The following SRD5A2 variants were observed in gnomAD, a reference collection of about 807,000 sequenced individuals.
The protein encoded by SRD5A2 is steroid 5 alpha-reductase 2, also known as 3-oxo-5-alpha-steroid 4-dehydrogenase 2.
Under a neutral mutation model 27.4 loss-of-function variants are expected in SRD5A2, and 30 were observed. The ratio of observed to expected loss-of-function variants is 1.10; its 90% CI spans 0.82 to 1.49. The LOEUF (loss-of-function observed/expected upper bound fraction) is 1.49, where lower values mean the gene tolerates loss of function less well. Ranked by LOEUF, SRD5A2 falls within the 40% of genes most tolerant of loss-of-function variation. The probability of loss-of-function intolerance (pLI) is 0.00; values close to 1 mark genes in which losing one functional copy is unlikely to be tolerated. For synonymous variants in SRD5A2, 141 were observed against 133.6 expected, an observed-to-expected ratio of 1.06 and a Z score of -0.38; for missense variants, 348 against 323.4, an observed-to-expected ratio of 1.08 and a Z score of -0.58.
chr2:31,634,980 G>A, the SRD5A2 span, among the ~76,000 whole-genome samples: 2 of 152,120 alleles, frequency 1.3e-5, no homozygotes, highest in Admixed American at 1.3e-4. Context: ...TGTGAATAGT[G>A]CTTCAATAAA....
chr2:31,553,545 A>C (rs1392681433), intron 1 of SRD5A2, among the ~76,000 whole-genome samples: 1 of 152,196 alleles, frequency 6.6e-6, no homozygotes. Flanking sequence ...GTGACACGTC[A>C]CATACAAGGA....
chr2:31,632,193 A>G, the SRD5A2 span, among the ~76,000 whole-genome samples: 6 of 152,266 alleles, frequency 3.9e-5, no homozygotes, highest in Middle Eastern at 6.8e-3. Context: ...GGTTTTTTAT[A>G]ATAGAGATCA....
chr2:31,627,626 A>G, the SRD5A2 span, among the ~76,000 whole-genome samples: 6 of 152,018 alleles, frequency 3.9e-5, no homozygotes, highest in Non-Finnish European at 7.4e-5. Context: ...CTTCCCTCTT[A>G]ACATGCTTTG....
the SRD5A2 span, among the ~76,000 whole-genome samples, chr2:31,644,444 AT>A: frequency 6.6e-6 from 1 of 152,210 alleles, no homozygotes; most frequent in African/African-American, 2.4e-5. Flanking sequence ...ATGGAAGACA[AT>A]TTTTTGGGAG....
Position 31,559,836 on chromosome 2 carries a change from C to CAACACACACACACACA in SRD5A2, c.281+20783_281+20784insTGTGTGTGTGTGTGTT, listed in dbSNP as rs70964719. ...TGCCCATAAGTAAAAGTAAACAAAC[C>CAACACACACACACACA]CACACACACACACACACACACACAC... On this transcript the variant is annotated intron_variant, in intron 1 of 4. Transcript: ENST00000622030. Among the ~76,000 whole-genome samples, 173 of 63,760 alleles carry CAACACACACACACACA rather than the reference C, an allele frequency of 2.7e-3. 3 individuals carry two copies. Among genetic ancestry groups the CAACACACACACACACA allele is most frequent in the African/African-American group, 7.5e-3 (167 of 22,148 alleles). 41.8% of individuals were successfully genotyped at this position (63,760 alleles called of 152,430 possible).
chr2:31,662,544 T>G, the SRD5A2 span, among the ~76,000 whole-genome samples: 1 of 152,144 alleles, frequency 6.6e-6, no homozygotes, highest in East Asian at 1.9e-4. Flanking sequence ...GATCTCAAGC[T>G]CCTGGGCTCA....
chr2:31,555,655 T>C (rs1055120370), intron 1 of SRD5A2, among the ~76,000 whole-genome samples: 1 of 152,176 alleles, frequency 6.6e-6, no homozygotes, highest in African/African-American at 2.4e-5. Context: ...GATCTGGACC[T>C]GAAGCTGGAA....
In SRD5A2 at chr2:31,523,299, T is replaced by C. The variant is rs1472753088; in HGVS notation, c.*2897A>G. 9.4e-6 allele frequency: 2 copies of C among 213,858 alleles called. No individual in the cohort carries two copies. Among genetic ancestry groups the C allele is most frequent in the Admixed American group, 5.9e-5 (1 of 17,078 alleles). 13.2% of individuals were successfully genotyped at this position (213,858 alleles called of 1,614,324 possible). A position where few individuals can be genotyped will look rare whatever the true frequency, so the allele number is the denominator to read the frequency against. ...AAACAGGCATGGGACAATAGGTGTA[T>C]AAACTGAACTATGCAACAGCACTTA... On this transcript the variant is annotated 3_prime_UTR_variant, in exon 5 of 5. Transcript: ENST00000622030.
chr2:31,577,147 T>TA (rs71405578), intron 1 of SRD5A2, among the ~76,000 whole-genome samples: 3,874 of 38,004 alleles, frequency 0.1, 111 homozygotes, highest in Middle Eastern at 0.17. Flanking sequence ...TAGAGTATAA[T>TA]AAAAAAAAAA....
At chr2:31,612,134 A>T in the SRD5A2 span, among the ~76,000 whole-genome samples, 1 of 152,036 alleles carries the variant, frequency 6.6e-6, no homozygotes, top group East Asian at 1.9e-4. Context: ...AAAATAAAAT[A>T]GCCAGGTATG....
At chr2:31,629,561 T>C in the SRD5A2 span, among the ~76,000 whole-genome samples, 1 of 152,134 alleles carries the variant, frequency 6.6e-6, no homozygotes, top group African/African-American at 2.4e-5. Flanking sequence ...GAAAGGGCTT[T>C]CTAGCAATCC....
At chr2:31,553,352 A>G (rs1666419354) in intron 1 of SRD5A2, among the ~76,000 whole-genome samples, 1 of 152,224 alleles carries the variant, frequency 6.6e-6, no homozygotes, top group Admixed American at 6.5e-5. Flanking sequence ...TAGGAAAAAA[A>G]GCTTATTTAA....
At chr2:31,622,216 C>A in the SRD5A2 span, among the ~76,000 whole-genome samples, 1 of 152,058 alleles carries the variant, frequency 6.6e-6, no homozygotes, top group African/African-American at 2.4e-5. Flanking sequence ...TGAGAACATG[C>A]AGTATTTGGT....
chr2:31,540,886 T>TTAG (rs1666115863), intron 1 of SRD5A2, among the ~76,000 whole-genome samples: 1 of 152,168 alleles, frequency 6.6e-6, no homozygotes, highest in South Asian at 2.1e-4. Context: ...GCATATGTGC[T>TTAG]TAGATTGATG....
chr2:31,586,411 AGGCAGTGGCCAG>A, the SRD5A2 span, among the ~76,000 whole-genome samples: 1 of 152,190 alleles, frequency 6.6e-6, no homozygotes, highest in Non-Finnish European at 1.5e-5. Flanking sequence ...GAGCAAACAT[AGGCAGTGGCCAG>A]GGAGTGGTTA....
At chr2:31,590,996 T>C in the SRD5A2 span, among the ~76,000 whole-genome samples, 83 of 152,274 alleles carry the variant, frequency 5.5e-4, no homozygotes, top group Non-Finnish European at 8.7e-4. Context: ...GAAGAAAACC[T>C]AGGCAATACC....
chr2:31,630,619 C>T, the SRD5A2 span, among the ~76,000 whole-genome samples: 19 of 152,262 alleles, frequency 1.2e-4, no homozygotes, highest in African/African-American at 3.9e-4. Flanking sequence ...AACTGCTTTG[C>T]TAACAGAAGA....
chr2:31,620,435 C>A, the SRD5A2 span, among the ~76,000 whole-genome samples: 2 of 151,976 alleles, frequency 1.3e-5, no homozygotes, highest in African/African-American at 4.8e-5. Context: ...TGTAGAAAAC[C>A]CCATCATCTC....
the SRD5A2 span, among the ~76,000 whole-genome samples, chr2:31,608,844 G>A: frequency 7.2e-5 from 11 of 151,972 alleles, no homozygotes; most frequent in Non-Finnish European, 1.3e-4. Context: ...CATACTGCCC[G>A]CTATGGACTA....
Sources: allele counts gnomAD v4.1 joint callset (sites outside exome capture counted in the v4.1 genomes callset), GRCh38; gene constraint gnomAD v4.1.1; transcripts MANE v1.5; gene names NCBI Gene and HGNC (gene_info 2026-07-23, HGNC 2026-07-21).